The following CCDC141 variants were observed in gnomAD, a reference collection of about 807,000 sequenced individuals.
CCDC141 encodes coiled-coil domain containing 141.
Under a neutral mutation model 181.0 loss-of-function variants are expected in CCDC141, and 168 were observed. The observed-to-expected ratio is 0.93, with a 90% CI of 0.82 to 1.05. CCDC141 has a LOEUF of 1.05. Ranked by LOEUF, CCDC141 falls within the 50% of genes least tolerant of loss-of-function variation. CCDC141 has a pLI of 0.00. For missense variants in CCDC141, 1,902 were observed against 1,788.5 expected, an observed-to-expected ratio of 1.06 and a Z score of -1.14; for synonymous variants, 666 against 642.3, an observed-to-expected ratio of 1.04 and a Z score of -0.56.
intron 2 of CCDC141, among the ~76,000 whole-genome samples, chr2:179,035,063 A>G (rs1209730251): frequency 6.6e-6 from 1 of 152,068 alleles, no homozygotes; most frequent in Non-Finnish European, 1.5e-5. Flanking sequence ...TAAATACCCT[A>G]TTTTCCACAA....
At chr2:178,972,798 C>T (rs980725113) in intron 4 of CCDC141, among the ~76,000 whole-genome samples, 4 of 152,182 alleles carry the variant, frequency 2.6e-5, no homozygotes, top group African/African-American at 9.7e-5. Flanking sequence ...TGTTCTGAAA[C>T]ATTCCAGGGG....
Position 178,836,980 on chromosome 2 carries a change from C to G in CCDC141, c.4239G>C (p.Arg1413Ser). Residue 1413 changes from arginine to serine, a missense_variant, in exon 23 of 24, where the codon AGG becomes AGC. Physicochemically the swap from Arg to Ser is moderately radical, Grantham distance 110. Coordinates refer to ENST00000443758, the MANE Select transcript of CCDC141 (RefSeq NM_173648.4). ...CCATGACAGTTACATTAGACAGGAG[C>G]CTGGAGAAATTAGGTGCCTGGTCAG... The part of the protein sequence containing the change: ...SLADQAPNFS[R>S]LLSNVTVMEG... 6.2e-7 allele frequency: 1 copy of G among 1,613,950 alleles called. No individual in the cohort carries two copies. Among genetic ancestry groups the G allele is most frequent in the Non-Finnish European group, 8.5e-7 (1 of 1,179,930 alleles).
intron 7 of CCDC141, among the ~76,000 whole-genome samples, chr2:178,906,165 G>A (rs1687959446): frequency 6.6e-6 from 1 of 152,186 alleles, no homozygotes; most frequent in South Asian, 2.1e-4. Flanking sequence ...ACATAGCCTT[G>A]CAAACCAAGA....
rs2042747426 is a variant in CCDC141, at chr2:179,023,559, G to A, written c.225+23725C>T. Among the ~76,000 whole-genome samples the A allele has an allele frequency of 2.6e-5, 4 of 152,234 alleles. No homozygotes were observed. The South Asian group carries it at 8.3e-4, about 32-fold the overall frequency. On this transcript the variant is annotated intron_variant, in intron 2 of 23. Coordinates refer to ENST00000443758, the MANE Select transcript of CCDC141 (RefSeq NM_173648.4). ...AAAAGTGGTTCTCACTAGCAATCAT[G>A]CAATAAAAGTCCACTGTGTTATGTT... is the stretch of plus-strand genomic sequence containing the variant.
intron 5 of CCDC141, among the ~76,000 whole-genome samples, chr2:178,945,497 G>A (rs1177417434): frequency 6.6e-6 from 1 of 152,080 alleles, no homozygotes; most frequent in Non-Finnish European, 1.5e-5. Context: ...CTTATCCACA[G>A]CCACATAGTA....
intron 11 of CCDC141, among the ~76,000 whole-genome samples, chr2:178,883,118 A>G (rs75968541): frequency 6.6e-6 from 1 of 152,210 alleles, no homozygotes; most frequent in African/African-American, 2.4e-5. Context: ...TGATGCTTAA[A>G]TGAAAGCTAA....
Position 178,833,960 on chromosome 2 carries a change from T to C in CCDC141, c.*213A>G. On this transcript the variant is annotated 3_prime_UTR_variant, in exon 24 of 24. Transcript: ENST00000443758. ...TCTAGAGTACAAAAATCTGTTCTTA[T>C]CCACTACAGATAATTTACCAAGCTT... 1.8e-6 allele frequency: 1 copy of C among 553,940 alleles called. No homozygotes were observed. Among genetic ancestry groups the C allele is most frequent in the Non-Finnish European group, 3.2e-6 (1 of 313,758 alleles). The allele number at this position is 553,940 out of a possible 1,614,324, so 34.3% of individuals were successfully genotyped here.
Position 178,837,732 on chromosome 2 carries a change from C to G in CCDC141, c.3487G>C (p.Val1163Leu). 6.2e-7 allele frequency: 1 copy of G among 1,607,332 alleles called. No homozygotes were observed. The highest frequency in any genetic ancestry group is 8.5e-7 in the Non-Finnish European group (1 of 1,177,094). ...NEERNKGQVQ[V>L]ADLLGINGTG... ...CCATTGATGCCCAAAAGATCTGCCA[C>G]CTGCACCTGCCCCTTGAAAAAAGAA... Residue 1163 changes from valine to leucine, a missense_variant, in exon 23 of 24, where the codon GTG becomes CTG. Val to Leu is a conservative substitution (Grantham distance 32). Transcript: ENST00000443758.
At chr2:178,958,933 T>A (rs920679331) in intron 5 of CCDC141, among the ~76,000 whole-genome samples, 1 of 151,538 alleles carries the variant, frequency 6.6e-6, no homozygotes, top group Admixed American at 6.6e-5. Context: ...ATAAGAGATG[T>A]TGAGGTTTAA....
At chr2:178,898,426 C>G (rs578005135) in intron 8 of CCDC141, among the ~76,000 whole-genome samples, 1 of 152,134 alleles carries the variant, frequency 6.6e-6, no homozygotes. Context: ...CTCAGTTATT[C>G]TTCTACAGCA....
Position 178,832,496 on chromosome 2 carries a change from A to G in CCDC141, c.*1677T>C. On this transcript the variant is annotated 3_prime_UTR_variant, in exon 24 of 24. Transcript: ENST00000443758. ...AAAAAAAAAAAAACAAAAAAAACAA[A>G]AAAAAGATAGTTAAGAGAAATTTCC... 1 of 151,540 alleles carries G rather than the reference A, an allele frequency of 6.6e-6. No homozygotes were observed. Among genetic ancestry groups the G allele is most frequent in the Non-Finnish European group, 1.5e-5 (1 of 67,916 alleles). The allele number at this position is 151,540 out of a possible 1,614,324, so 9.4% of individuals were successfully genotyped here. A position where few individuals can be genotyped will look rare whatever the true frequency, so the allele number is the denominator to read the frequency against.
intron 2 of CCDC141, among the ~76,000 whole-genome samples, chr2:179,034,467 A>G (rs1333561189): frequency 1.3e-5 from 2 of 152,224 alleles, no homozygotes; most frequent in African/African-American, 2.4e-5. Flanking sequence ...TTCCCTAAAG[A>G]GCAAACCTGC....
At position 178,837,397 on chromosome 2, in the gene CCDC141, A is replaced by G. The variant is rs200623862; in HGVS notation, c.3822T>C (p.Asp1274=). The change falls in exon 23 of 24, where the codon GAT becomes GAC. Residue 1274 remains aspartate, a synonymous_variant. Transcript: ENST00000443758. ...ATGTTTCTCTCTTATCATTGCATGCATCCGCAAAGGCAACAGGTGGTGGAA... is the reference window on the plus strand; with the variant it reads ...ATGTTTCTCTCTTATCATTGCATGCGTCCGCAAAGGCAACAGGTGGTGGAA... The part of the protein sequence containing the change: ...SVLPPPVAFA[D]ACNDKRETFS... 1 of 1,614,004 alleles carries G rather than the reference A, an allele frequency of 6.2e-7. No individual in the cohort carries two copies. The highest frequency in any genetic ancestry group is 1.7e-5 in the Admixed American group (1 of 59,984).
chr2:178,938,498 T>C (rs1408953318), intron 6 of CCDC141, among the ~76,000 whole-genome samples: 1 of 152,036 alleles, frequency 6.6e-6, no homozygotes, highest in Non-Finnish European at 1.5e-5. Context: ...TTGCTGAGGA[T>C]TGTTTTATGT....
chr2:178,992,518 T>G (rs1692104783), intron 2 of CCDC141, among the ~76,000 whole-genome samples: 1 of 152,122 alleles, frequency 6.6e-6, no homozygotes, highest in Non-Finnish European at 1.5e-5. Flanking sequence ...TATATTATTG[T>G]TCCCAGTTAT....
intron 2 of CCDC141, among the ~76,000 whole-genome samples, chr2:179,005,030 C>T (rs899996192): frequency 1.3e-4 from 20 of 152,286 alleles, no homozygotes; most frequent in African/African-American, 4.8e-4. Context: ...CCGCCCCCGG[C>T]CTAAAGACTA....
intron 2 of CCDC141, among the ~76,000 whole-genome samples, chr2:179,034,336 G>A (rs916466599): frequency 5.3e-5 from 8 of 152,082 alleles, no homozygotes; most frequent in Admixed American, 2.0e-4. Flanking sequence ...ACAGACATTG[G>A]GTCCTAATGG....
chr2:178,837,742 C>A lies in CCDC141; in HGVS notation c.3477G>T (p.Gly1159=). The part of the protein sequence containing the change: ...QTIFNEERNK[G]QVQVADLLGI... ...CCAAAAGATCTGCCACCTGCACCTG[C>A]CCCTTGAAAAAAGAAAAGCCAAATC... is the stretch of plus-strand genomic sequence containing the variant. The change falls in exon 23 of 24, where the codon GGG becomes GGT. Residue 1159 remains glycine, a splice_region_variant and synonymous_variant. Coordinates refer to ENST00000443758, the MANE Select transcript of CCDC141 (RefSeq NM_173648.4). The A allele has an allele frequency of 6.3e-7, 1 of 1,586,664 alleles. No homozygotes were observed. Among genetic ancestry groups the A allele is most frequent in the East Asian group, 2.2e-5 (1 of 44,682 alleles).
chr2:178,861,178 T>C (rs558362684), intron 17 of CCDC141, among the ~76,000 whole-genome samples: 1 of 152,156 alleles, frequency 6.6e-6, no homozygotes, highest in South Asian at 2.1e-4. Context: ...CTTTTTTTTT[T>C]TTCTTTTCAA....
Sources: allele counts gnomAD v4.1 joint callset (sites outside exome capture counted in the v4.1 genomes callset), GRCh38; gene constraint gnomAD v4.1.1; transcripts MANE v1.5; gene names NCBI Gene and HGNC (gene_info 2026-07-23, HGNC 2026-07-21).